GPC6: variants seen among roughly 807,000 people sequenced by gnomAD.
GPC6 encodes the protein glypican 6.
In GPC6, 14 loss-of-function variants were observed where a neutral mutation model predicts 55.2. That is an observed-to-expected ratio of 0.25 (90% CI 0.17 to 0.40). The LOEUF is 0.40. Ranked by LOEUF, GPC6 falls within the 10% of genes least tolerant of loss-of-function variation. The pLI, the probability that GPC6 is intolerant of heterozygous loss-of-function variation, is 1.00. For missense variants in GPC6, 641 were observed against 708.5 expected (o/e 0.90, Z 1.08); for synonymous variants, 278 against 259.6 (o/e 1.07, Z -0.68).
At chr13:93,373,416 G>A (rs1472641650) in intron 1 of GPC6, among the ~76,000 whole-genome samples, 1 of 152,064 alleles carries the variant, frequency 6.6e-6, no homozygotes, top group African/African-American at 2.4e-5. Context: ...CTCTAAACAG[G>A]GATCTAATTC....
At chr13:94,287,752 A>G (rs1892569519) in intron 5 of GPC6, among the ~76,000 whole-genome samples, 1 of 152,204 alleles carries the variant, frequency 6.6e-6, no homozygotes, top group South Asian at 2.1e-4. Flanking sequence ...AATAGCAATC[A>G]TCCATTCCTC....
chr13:93,987,014 G>A (rs1274101978), intron 3 of GPC6, among the ~76,000 whole-genome samples: 1 of 152,038 alleles, frequency 6.6e-6, no homozygotes, highest in Non-Finnish European at 1.5e-5. Context: ...GTATCATTGT[G>A]TCTAGAATGC....
intron 3 of GPC6, among the ~76,000 whole-genome samples, chr13:94,021,322 A>G (rs2138712392): frequency 6.6e-6 from 1 of 151,880 alleles, no homozygotes. Flanking sequence ...TAATATTTTA[A>G]GAAACAGTCA....
At chr13:93,358,989 G>GGT (rs1566315748) in intron 1 of GPC6, among the ~76,000 whole-genome samples, 710 of 55,034 alleles carry the variant, frequency 0.013, 8 homozygotes, top group African/African-American at 0.053. Context: ...TTTTTTTTTT[G>GGT]TTTTTTTTTT....
intron 2 of GPC6, among the ~76,000 whole-genome samples, chr13:93,589,410 C>T (rs1877359825): frequency 6.6e-6 from 1 of 152,192 alleles, no homozygotes; most frequent in Non-Finnish European, 1.5e-5. Context: ...CATCCATTAA[C>T]TCTTCCCATT....
chr13:93,763,221 G>A (rs559895294), intron 2 of GPC6, among the ~76,000 whole-genome samples: 44 of 152,312 alleles, frequency 2.9e-4, no homozygotes, highest in Admixed American at 2.7e-3. Context: ...ATTAGACATA[G>A]GTTGCTTCTT....
At chr13:93,886,014 G>T (rs1333479241) in intron 3 of GPC6, among the ~76,000 whole-genome samples, 1 of 151,958 alleles carries the variant, frequency 6.6e-6, no homozygotes, top group East Asian at 1.9e-4. Context: ...CATATAGAAG[G>T]CTCTGCACAG....
rs148242259 is a variant in GPC6 at position 93,601,095 on chromosome 13, G to T, written c.319+55674G>T. On this transcript the variant is annotated intron_variant, in intron 2 of 8. Coordinates refer to ENST00000377047, the MANE Select transcript of GPC6 (RefSeq NM_005708.5). Reference sequence around the variant, plus strand: ...ACGAGGGGAAAACAGGAGCTTAAAAGAATTAAAACATGTTGGGGAGTGGTG... The same window carrying T: ...ACGAGGGGAAAACAGGAGCTTAAAATAATTAAAACATGTTGGGGAGTGGTG... Among the ~76,000 whole-genome samples, 171 of 151,622 alleles carry T rather than the reference G, an allele frequency of 1.1e-3. 4 individuals carry two copies. The East Asian group carries it at 0.029, about 26-fold the overall frequency.
At chr13:94,230,819 G>A (rs1299585395) in intron 4 of GPC6, among the ~76,000 whole-genome samples, 1 of 152,112 alleles carries the variant, frequency 6.6e-6, no homozygotes, top group African/African-American at 2.4e-5. Flanking sequence ...GTAAGAATAG[G>A]TAACATGTAT....
chr13:93,284,235 T>G (rs2139071196), intron 1 of GPC6, among the ~76,000 whole-genome samples: 1 of 152,312 alleles, frequency 6.6e-6, no homozygotes, highest in Admixed American at 6.5e-5. Context: ...AGAAAATCCC[T>G]TAGGGCACGG....
intron 4 of GPC6, among the ~76,000 whole-genome samples, chr13:94,264,965 G>C (rs1278073580): frequency 6.6e-6 from 1 of 152,160 alleles, no homozygotes; most frequent in African/African-American, 2.4e-5. Context: ...ACTATCACAA[G>C]AACGGTATGG....
intron 4 of GPC6, among the ~76,000 whole-genome samples, chr13:94,223,439 C>T (rs1010771445): frequency 3.9e-5 from 6 of 152,120 alleles, no homozygotes; most frequent in Non-Finnish European, 7.4e-5. Context: ...GCTCATTTTA[C>T]AGGACATAAA....
intron 1 of GPC6, among the ~76,000 whole-genome samples, chr13:93,436,495 G>A (rs999173732): frequency 1.2e-4 from 19 of 152,274 alleles, no homozygotes; most frequent in Admixed American, 1.2e-3. Context: ...CATGCTGGAG[G>A]CAATGAGAGA....
At chr13:93,956,907 G>C (rs566291795) in intron 3 of GPC6, among the ~76,000 whole-genome samples, 1 of 152,254 alleles carries the variant, frequency 6.6e-6, no homozygotes, top group African/African-American at 2.4e-5. Flanking sequence ...GACTCGTCTA[G>C]AATCTAGATA....
chr13:93,708,050 A>ACAT (rs2138804320), intron 2 of GPC6, among the ~76,000 whole-genome samples: 1 of 151,984 alleles, frequency 6.6e-6, no homozygotes, highest in African/African-American at 2.4e-5. Flanking sequence ...TATTACTAAT[A>ACAT]CATCATGTTG....
At chr13:93,728,662 G>A (rs1883726280) in intron 2 of GPC6, among the ~76,000 whole-genome samples, 1 of 151,944 alleles carries the variant, frequency 6.6e-6, no homozygotes, top group Non-Finnish European at 1.5e-5. Context: ...TACCTCCTGG[G>A]TTGAAGTCAT....
intron 1 of GPC6, among the ~76,000 whole-genome samples, chr13:93,378,448 A>G (rs975686959): frequency 1.3e-5 from 2 of 152,158 alleles, no homozygotes; most frequent in African/African-American, 2.4e-5. Flanking sequence ...ACTAGTTTCC[A>G]TATAACACAA....
At chr13:93,887,458 C>G (rs549331331) in intron 3 of GPC6, among the ~76,000 whole-genome samples, 1 of 152,144 alleles carries the variant, frequency 6.6e-6, no homozygotes, top group African/African-American at 2.4e-5. Flanking sequence ...AGAGATAACA[C>G]CCACTAGAAT....
At chr13:93,640,470 G>A (rs1375689338) in intron 2 of GPC6, among the ~76,000 whole-genome samples, 3 of 151,978 alleles carry the variant, frequency 2.0e-5, no homozygotes, top group East Asian at 1.9e-4. Context: ...TGCATGTGGA[G>A]ATTCAAATTT....
Sources: gnomAD v4.1 joint callset for allele counts (sites outside exome capture counted in the v4.1 genomes callset) on GRCh38, gnomAD v4.1.1 for gene constraint, MANE v1.5 for transcripts, NCBI Gene and HGNC (gene_info 2026-07-23, HGNC 2026-07-21) for gene names.